The following HDAC8 variants were observed in gnomAD, a reference collection of about 807,000 sequenced individuals.
The protein encoded by HDAC8 is histone deacetylase-like 1.
In HDAC8, 1 loss-of-function variant was observed where a neutral mutation model predicts 32.2. The observed-to-expected ratio is 0.03, with a 90% CI of 0.01 to 0.15. The LOEUF is 0.15. HDAC8 is among the 10% of genes least tolerant of loss of function. The pLI, the probability that HDAC8 is intolerant of heterozygous loss-of-function variation, is 1.00. For missense variants in HDAC8, 117 were observed against 300.0 expected (o/e 0.39, Z 4.51); for synonymous variants, 108 against 113.9 (o/e 0.95, Z 0.33).
intron 9 of HDAC8, among the ~76,000 whole-genome samples, chrX:72,423,571 A>G (rs891476793): frequency 8.9e-6 from 1 of 112,395 alleles, no homozygotes; most frequent in African/African-American, 3.2e-5. Flanking sequence ...CTAAATTAAC[A>G]TTCAATGTTT....
intron 8 of HDAC8, among the ~76,000 whole-genome samples, chrX:72,463,430 C>A (rs1191990873): frequency 9.0e-6 from 1 of 111,700 alleles, no homozygotes; most frequent in African/African-American, 3.3e-5. Flanking sequence ...TGCTAACAGG[C>A]TTTTAATGTA....
intron 9 of HDAC8, among the ~76,000 whole-genome samples, chrX:72,415,614 T>C (rs1363382859): frequency 8.9e-6 from 1 of 112,084 alleles, no homozygotes; most frequent in Non-Finnish European, 1.9e-5. Flanking sequence ...ATCAGTGTTA[T>C]AGTTTTCAGC....
intron 4 of HDAC8, among the ~76,000 whole-genome samples, chrX:72,559,826 C>T (rs1004745496): frequency 2.7e-4 from 29 of 109,031 alleles, no homozygotes; most frequent in Admixed American, 9.6e-4. Flanking sequence ...GGAGCCCCTC[C>T]GCCCAGCAGC....
chrX:72,544,938 C>T lies in HDAC8; in HGVS notation c.437+22951G>A, dbSNP rs1314522396. Among the ~76,000 whole-genome samples, 4 of 112,015 alleles carry T rather than the reference C, an allele frequency of 3.6e-5. 1 individual carries two copies. Among genetic ancestry groups the T allele is most frequent in the Non-Finnish European group, 3.8e-5 (2 of 53,224 alleles). ...TGATTTTAGACTCAGAGAGAATCTG[C>T]TCCTTTGGTAGTAAGGCAAGTCCTG... On this transcript the variant is annotated intron_variant, in intron 4 of 10. Transcript: ENST00000373573.
chrX:72,462,459 T>C, intron 8 of HDAC8: 1 of 133,069 alleles, frequency 7.5e-6, no homozygotes, highest in African/African-American at 3.1e-5. Context: ...AATGGAAAGA[T>C]TTCTGTGATG....
intron 10 of HDAC8, among the ~76,000 whole-genome samples, chrX:72,333,084 A>T (rs782308988): frequency 1.7e-3 from 189 of 110,911 alleles, no homozygotes; most frequent in Non-Finnish European, 2.5e-3. Flanking sequence ...ATGAGCTCCA[A>T]TTCCTTATCA....
At chrX:72,492,249 T>A (rs1262343675) in intron 5 of HDAC8, among the ~76,000 whole-genome samples, 1 of 112,282 alleles carries the variant, frequency 8.9e-6, no homozygotes, top group Non-Finnish European at 1.9e-5. Flanking sequence ...TCCCAAACTA[T>A]TGTTATTCTC....
At chrX:72,490,588 C>T (rs2048833909) in intron 6 of HDAC8, among the ~76,000 whole-genome samples, 1 of 79,361 alleles carries the variant, frequency 1.3e-5, no homozygotes, top group Admixed American at 1.8e-4. Flanking sequence ...GAACATCACA[C>T]TCTGGGGACT....
chrX:72,474,226 C>G (rs1227624080), intron 7 of HDAC8: 1 of 745,970 alleles, frequency 1.3e-6, no homozygotes. Flanking sequence ...AGCATTCTAT[C>G]TCTTATGGTT....
intron 4 of HDAC8, among the ~76,000 whole-genome samples, chrX:72,557,425 C>G (rs2051320157): frequency 1.8e-5 from 2 of 111,570 alleles, no homozygotes; most frequent in South Asian, 7.5e-4. Flanking sequence ...AAGGCACCCT[C>G]AAAACCATGC....
chrX:72,365,023 C>G (rs998692505), intron 9 of HDAC8, among the ~76,000 whole-genome samples: 1 of 112,085 alleles, frequency 8.9e-6, no homozygotes, highest in Admixed American at 9.5e-5. Flanking sequence ...ATAGAAAGCA[C>G]TATGCTTTGG....
intron 9 of HDAC8, among the ~76,000 whole-genome samples, chrX:72,418,898 TC>T (rs1210578993): frequency 1.8e-5 from 2 of 111,324 alleles, no homozygotes; most frequent in African/African-American, 6.5e-5. Context: ...GATGATTCCT[TC>T]CCCATTGAAT....
rs781934095 is a variant in HDAC8, at chrX:72,460,883, G to GA, written c.1005+1120dup. ...GCTTCCAAATACTGAATAAAGGTAA[G>GA]ACAAACCAAGAAAAGAGACTTCTAT... On this transcript the variant is annotated intron_variant, in intron 9 of 10. Transcript: ENST00000373573. 2.7e-5 allele frequency among the ~76,000 whole-genome samples: 3 copies of GA among 111,846 alleles called. No homozygotes were observed. In the South Asian group the frequency reaches 1.1e-3, roughly 42 times the overall value.
In HDAC8 at chrX:72,464,590, T is replaced by A. The variant is rs782467454; in HGVS notation, c.879A>T (p.Gln293His). The change falls in exon 8 of 11, where the codon CAA becomes CAT. Residue 293 changes from glutamine (Q) to histidine (H), a missense_variant. Physicochemically the swap from Gln to His is conservative, Grantham distance 24. Coordinates refer to ENST00000373573, the MANE Select transcript of HDAC8 (RefSeq NM_018486.3). ...CCAAAATGAGTGTTGCCAACTGCCATTGAAGGATGTACTTAAGACACTTGC... is the reference window on the plus strand; with the variant it reads ...CCAAAATGAGTGTTGCCAACTGCCAATGAAGGATGTACTTAAGACACTTGC... ...GIGKCLKYIL[Q>H]WQLATLILGG... is the part of the protein sequence containing the mutation. 8.3e-7 allele frequency: 1 copy of A among 1,207,618 alleles called. No homozygotes were observed. Among genetic ancestry groups the A allele is most frequent in the African/African-American group, 1.8e-5 (1 of 57,122 alleles).
intron 9 of HDAC8, 57 bp downstream of exon 9, chrX:72,461,947 T>G (rs2047879218): frequency 2.2e-6 from 2 of 901,893 alleles, no homozygotes; most frequent in Admixed American, 4.5e-5. Flanking sequence ...TTTGATTAGG[T>G]GGAATGACTC....
At chrX:72,498,868 G>T (rs1347991848) in intron 4 of HDAC8, among the ~76,000 whole-genome samples, 1 of 111,489 alleles carries the variant, frequency 9.0e-6, no homozygotes, top group African/African-American at 3.3e-5. Context: ...TTGATCCCCA[G>T]TGTTGGAGGT....
intron 9 of HDAC8, among the ~76,000 whole-genome samples, chrX:72,372,264 A>G: frequency 9.1e-6 from 1 of 110,370 alleles, no homozygotes; most frequent in East Asian, 2.9e-4. Flanking sequence ...CCTTCTTCCT[A>G]CCTCCACACT....
intron 7 of HDAC8, chrX:72,474,123 A>G (rs1555999127): frequency 1.3e-6 from 1 of 749,231 alleles, no homozygotes; most frequent in East Asian, 1.5e-4. Context: ...CTTTGTAAAG[A>G]TAGAGTAATT....
chrX:72,394,050 A>G (rs1264078814), intron 9 of HDAC8, among the ~76,000 whole-genome samples: 2 of 111,379 alleles, frequency 1.8e-5, no homozygotes, highest in Admixed American at 1.9e-4. Flanking sequence ...CTCCAGTATG[A>G]CTGCCTTCTC....
Sources: gnomAD v4.1 joint callset for allele counts (sites outside exome capture counted in the v4.1 genomes callset) on GRCh38, gnomAD v4.1.1 for gene constraint, MANE v1.5 for transcripts, NCBI Gene and HGNC (gene_info 2026-07-23, HGNC 2026-07-21) for gene names.